The following SYNPR variants were observed in gnomAD, a reference collection of about 807,000 sequenced individuals.
SYNPR encodes synaptoporin.
Under a neutral mutation model 32.9 loss-of-function variants are expected in SYNPR, and 23 were observed. The observed-to-expected ratio is 0.70, with a 90% CI of 0.50 to 0.99. The LOEUF (loss-of-function observed/expected upper bound fraction) is 0.99. SYNPR is among the 50% of genes least tolerant of loss of function. The probability of loss-of-function intolerance (pLI) is 0.00; values close to 1 mark genes in which losing one functional copy is unlikely to be tolerated. For missense variants in SYNPR, 318 were observed against 349.3 expected, an observed-to-expected ratio of 0.91 and a Z score of 0.71; for synonymous variants, 146 against 135.9, an observed-to-expected ratio of 1.07 and a Z score of -0.52.
At chr3:63,231,810 A>T (rs2086168697) in intron 1 of SYNPR, among the ~76,000 whole-genome samples, 1 of 152,228 alleles carries the variant, frequency 6.6e-6, no homozygotes, top group Non-Finnish European at 1.5e-5. Flanking sequence ...AAGAAGAAAA[A>T]GTTCAACCCT....
intron 2 of SYNPR, among the ~76,000 whole-genome samples, chr3:63,443,889 A>G (rs1284728704): frequency 6.6e-6 from 1 of 152,066 alleles, no homozygotes. Context: ...AATTACTTAA[A>G]CTCCATATAC....
intron 3 of SYNPR, among the ~76,000 whole-genome samples, chr3:63,490,554 G>A (rs765915645): frequency 2.6e-5 from 4 of 151,980 alleles, no homozygotes; most frequent in Non-Finnish European, 4.4e-5. Context: ...GGGAAGGCAT[G>A]GTATATAGCA....
chr3:63,606,978 A>T (rs1700132551), intron 4 of SYNPR, among the ~76,000 whole-genome samples: 1 of 152,164 alleles, frequency 6.6e-6, no homozygotes, highest in South Asian at 2.1e-4. Context: ...GCACTCAATA[A>T]ATGTTACATA....
At chr3:63,610,813 G>T (rs1186098183) in intron 5 of SYNPR, among the ~76,000 whole-genome samples, 1 of 152,108 alleles carries the variant, frequency 6.6e-6, no homozygotes, top group African/African-American at 2.4e-5. Flanking sequence ...GTTCTGCATG[G>T]TTCTTCTAAT....
intron 2 of SYNPR, among the ~76,000 whole-genome samples, chr3:63,257,968 C>T (rs879258537): frequency 1.1e-4 from 16 of 152,192 alleles, no homozygotes; most frequent in African/African-American, 3.4e-4. Flanking sequence ...TCAAAAGAGA[C>T]GAAGAAGGCC....
chr3:63,564,711 C>A (rs1007832496), intron 4 of SYNPR, among the ~76,000 whole-genome samples: 2 of 152,096 alleles, frequency 1.3e-5, no homozygotes, highest in Non-Finnish European at 2.9e-5. Context: ...GATGTTTTAT[C>A]GGATCTCACA....
At chr3:63,475,144 A>G (rs1700877024) in intron 2 of SYNPR, among the ~76,000 whole-genome samples, 1 of 152,078 alleles carries the variant, frequency 6.6e-6, no homozygotes, top group Non-Finnish European at 1.5e-5. Flanking sequence ...AACACAGGAC[A>G]ATTTTGTTCT....
At chr3:63,498,347 A>T (rs1701411493) in intron 3 of SYNPR, among the ~76,000 whole-genome samples, 1 of 152,090 alleles carries the variant, frequency 6.6e-6, no homozygotes, top group Admixed American at 6.6e-5. Context: ...TGGTGCCGGG[A>T]ATCCAGTGGA....
At chr3:63,518,494 T>G (rs751254783) in intron 3 of SYNPR, among the ~76,000 whole-genome samples, 2 of 152,164 alleles carry the variant, frequency 1.3e-5, no homozygotes, top group Non-Finnish European at 2.9e-5. Context: ...TGAGTGAGCA[T>G]GGGAGACAAA....
chr3:63,217,309 T>C, the SYNPR span, among the ~76,000 whole-genome samples: 1 of 39,388 alleles, frequency 2.5e-5, no homozygotes, highest in South Asian at 7.1e-4. Context: ...TCCCCCAGCC[T>C]CGTTGCCGCC....
chr3:63,239,059 A>G (rs1034710888), intron 1 of SYNPR, among the ~76,000 whole-genome samples: 6 of 152,124 alleles, frequency 3.9e-5, no homozygotes, highest in Admixed American at 2.6e-4. Context: ...TCATCTTCCT[A>G]TGGAGCTGAC....
At chr3:63,510,237 G>A (rs1701670856) in intron 3 of SYNPR, among the ~76,000 whole-genome samples, 1 of 152,140 alleles carries the variant, frequency 6.6e-6, no homozygotes, top group African/African-American at 2.4e-5. Context: ...AAAAGAAGCA[G>A]AACATTCAAA....
chr3:63,280,771 G>C (rs1016423857), intron 2 of SYNPR, among the ~76,000 whole-genome samples: 2 of 151,950 alleles, frequency 1.3e-5, no homozygotes, highest in African/African-American at 4.8e-5. Context: ...GTGTGTGAGA[G>C]AAAGAGTGAA....
intron 2 of SYNPR, among the ~76,000 whole-genome samples, chr3:63,396,572 T>C (rs2088215626): frequency 6.6e-6 from 1 of 152,194 alleles, no homozygotes; most frequent in Non-Finnish European, 1.5e-5. Flanking sequence ...AGAACACTCC[T>C]GGATAAATCT....
intron 2 of SYNPR, among the ~76,000 whole-genome samples, chr3:63,468,617 A>G (rs965533359): frequency 6.6e-5 from 10 of 152,134 alleles, no homozygotes; most frequent in Admixed American, 6.5e-5. Context: ...CCTGGCTAAC[A>G]TGTTGAAACC....
chr3:63,391,006 A>T (rs1670059994), intron 2 of SYNPR, among the ~76,000 whole-genome samples: 1 of 152,208 alleles, frequency 6.6e-6, no homozygotes, highest in Non-Finnish European at 1.5e-5. Context: ...GTAAGTCCTC[A>T]ATATTTGTTG....
chr3:63,616,169 G>A lies in SYNPR; in HGVS notation c.*688G>A, dbSNP rs904346937. ...CTCTGGCTTTACCCAAGTTCTGAAT[G>A]CATTGTAATTAAAATTTAAGTTTTT... On this transcript the variant is annotated 3_prime_UTR_variant, in exon 6 of 6. Transcript: ENST00000478300. 6.6e-6 allele frequency: 1 copy of A among 152,146 alleles called. No homozygotes were observed. Among genetic ancestry groups the A allele is most frequent in the Non-Finnish European group, 1.5e-5 (1 of 68,004 alleles). 9.4% of individuals were successfully genotyped at this position (152,146 alleles called of 1,614,324 possible). A position where few individuals can be genotyped will look rare whatever the true frequency, so the allele number is the denominator to read the frequency against.
intron 2 of SYNPR, among the ~76,000 whole-genome samples, chr3:63,480,290 C>G (rs1387102012): frequency 6.6e-6 from 1 of 152,214 alleles, no homozygotes; most frequent in Admixed American, 6.5e-5. Context: ...ATACTGAGAT[C>G]TTGTGCTCTA....
At chr3:63,576,683 C>T (rs539873377) in intron 4 of SYNPR, among the ~76,000 whole-genome samples, 2 of 151,196 alleles carry the variant, frequency 1.3e-5, no homozygotes, top group Admixed American at 6.6e-5. Flanking sequence ...CCCAGCTACT[C>T]GGGAAGTTGA....
Sources: gnomAD v4.1 joint callset for allele counts (sites outside exome capture counted in the v4.1 genomes callset) on GRCh38, gnomAD v4.1.1 for gene constraint, MANE v1.5 for transcripts, NCBI Gene and HGNC (gene_info 2026-07-23, HGNC 2026-07-21) for gene names.